Variants in PTPRA observed in about 807,000 individuals in gnomAD.
PTPRA encodes receptor-type tyrosine-protein phosphatase alpha.
Under a neutral mutation model 104.8 loss-of-function variants are expected in PTPRA, and 25 were observed. That is an observed-to-expected ratio of 0.24 (90% confidence interval 0.17 to 0.33). The LOEUF (loss-of-function observed/expected upper bound fraction) is 0.33, where lower values mean the gene tolerates loss of function less well. Ranked by LOEUF, PTPRA falls within the 10% of genes least tolerant of loss-of-function variation. The pLI is 1.00. For missense variants in PTPRA, 765 were observed against 1,015.3 expected (o/e 0.75, Z 3.35); for synonymous variants, 323 against 368.9 (o/e 0.88, Z 1.43).
At chr20:2,984,498 A>AAG (rs2062819547) in intron 6 of PTPRA, among the ~76,000 whole-genome samples, 1 of 150,952 alleles carries the variant, frequency 6.6e-6, no homozygotes, top group Non-Finnish European at 1.5e-5. Context: ...TCCTTGAAAA[A>AAG]CTCTGCTCTT....
Position 3,022,259 on chromosome 20 carries a change from T to C in PTPRA, c.1328+39T>C, listed in dbSNP as rs372833880. 150 of 1,601,416 alleles carry C rather than the reference T, an allele frequency of 9.4e-5. No homozygotes were observed. The highest frequency in any genetic ancestry group is 1.2e-4 in the Non-Finnish European group (143 of 1,171,514). On this transcript the variant is annotated intron_variant, in intron 15 of 23. Coordinates refer to ENST00000399903, the MANE Select transcript of PTPRA (RefSeq NM_001385305.1). This position sits in a 1 kb window ranked among gnomAD's most constrained non-coding sequence, Gnocchi z 4.6. ...GACCCTTGTACCCCCACCCCCACAT[T>C]TCGCCCCCATGGCCAGAGCAGGGGA...
chr20:2,890,407 T>C (rs2146960684), intron 1 of PTPRA, among the ~76,000 whole-genome samples: 1 of 152,312 alleles, frequency 6.6e-6, no homozygotes, highest in Middle Eastern at 3.4e-3. Flanking sequence ...ACCTAGTAAA[T>C]GGGTTCAGCT....
At chr20:2,970,259 A>G (rs1333588391) in intron 5 of PTPRA, among the ~76,000 whole-genome samples, 1 of 152,200 alleles carries the variant, frequency 6.6e-6, no homozygotes, top group Non-Finnish European at 1.5e-5. Flanking sequence ...AGCAGGATGA[A>G]TTATTTTAAG....
intron 11 of PTPRA, among the ~76,000 whole-genome samples, chr20:3,009,627 T>G (rs1568694458): frequency 1.3e-5 from 2 of 152,148 alleles, no homozygotes; most frequent in East Asian, 3.8e-4. Context: ...TTTGTAGTTT[T>G]AAGGAAAGGG....
intron 6 of PTPRA, among the ~76,000 whole-genome samples, chr20:2,983,258 GGAT>G (rs2062761670): frequency 6.6e-6 from 1 of 152,082 alleles, no homozygotes; most frequent in Non-Finnish European, 1.5e-5. Flanking sequence ...AAAGGCCTGA[GGAT>G]GAATGAATGA....
intron 3 of PTPRA, 50 bp from the exon 4 acceptor site, chr20:2,964,222 A>G (rs780387132): frequency 1.4e-6 from 2 of 1,422,394 alleles, no homozygotes; most frequent in South Asian, 1.2e-5. Flanking sequence ...CAGCTCAGAC[A>G]TAGTCCTGAT....
At chr20:2,871,603 C>T (rs1274303249), upstream of PTPRA, among the ~76,000 whole-genome samples, 1 of 152,168 alleles carries the variant, frequency 6.6e-6, no homozygotes, top group East Asian at 1.9e-4. Context: ...GGGTTTGGTT[C>T]TAGAGCATAG....
At chr20:2,964,839 C>G in intron 4 of PTPRA, 22 bp from the exon 5 acceptor site, 1 of 1,571,206 alleles carries the variant, frequency 6.4e-7, no homozygotes, top group African/African-American at 1.4e-5. Flanking sequence ...TGTGCTATTT[C>G]CTTGTTTTTT....
intron 17 of PTPRA, among the ~76,000 whole-genome samples, chr20:3,025,848 G>C (rs1015924823): frequency 1.4e-5 from 2 of 141,938 alleles, no homozygotes; most frequent in Non-Finnish European, 1.5e-5. Context: ...CAGCCTGGGT[G>C]ACAGAGCAAG....
chr20:2,892,807 G>A (rs187612824), intron 1 of PTPRA, among the ~76,000 whole-genome samples: 224 of 152,308 alleles, frequency 1.5e-3, no homozygotes, highest in South Asian at 6.8e-3. Flanking sequence ...GAGTTTAGTG[G>A]CAGCAGAACT....
At chr20:3,033,542 T>C (rs1243619308) in intron 20 of PTPRA, among the ~76,000 whole-genome samples, 1 of 152,010 alleles carries the variant, frequency 6.6e-6, no homozygotes, top group Non-Finnish European at 1.5e-5. Flanking sequence ...AACCCACTTT[T>C]AGTTTTTCAA....
intron 3 of PTPRA, among the ~76,000 whole-genome samples, chr20:2,960,100 T>C (rs1007495509): frequency 3.3e-5 from 5 of 152,214 alleles, no homozygotes; most frequent in Non-Finnish European, 7.3e-5. Context: ...TCACCCAAGC[T>C]TTGGTGTTGT....
At chr20:3,020,622 T>C (rs1192362266) in intron 13 of PTPRA, among the ~76,000 whole-genome samples, 13 of 152,216 alleles carry the variant, frequency 8.5e-5, no homozygotes, top group Non-Finnish European at 1.9e-4. Context: ...CCTAACCAGC[T>C]CTATCACTGG....
At chr20:2,999,702 CA>C (rs2063548192) in intron 9 of PTPRA, among the ~76,000 whole-genome samples, 3 of 152,128 alleles carry the variant, frequency 2.0e-5, no homozygotes, top group Non-Finnish European at 4.4e-5. Flanking sequence ...ACACAAAAAC[CA>C]ATTCCAGTTG....
chr20:3,009,259 TG>T (rs2064038652), intron 11 of PTPRA, among the ~76,000 whole-genome samples: 2 of 144,112 alleles, frequency 1.4e-5, no homozygotes, highest in Non-Finnish European at 3.0e-5. Context: ...TTGATGGGGG[TG>T]GGGGGTGCTG....
At chr20:2,884,000 C>G (rs1440758388) in intron 1 of PTPRA, among the ~76,000 whole-genome samples, 1 of 152,100 alleles carries the variant, frequency 6.6e-6, no homozygotes, top group Non-Finnish European at 1.5e-5. Flanking sequence ...AATATGTGAC[C>G]TTTTGTAGCT....
At chr20:3,012,842 T>TAA (rs1371123819) in intron 11 of PTPRA, among the ~76,000 whole-genome samples, 9 of 152,348 alleles carry the variant, frequency 5.9e-5, no homozygotes, top group Non-Finnish European at 1.3e-4. Context: ...TTCACCCATT[T>TAA]TAAGTGAGAA....
At chr20:2,930,292 T>A (rs1249403984) in intron 2 of PTPRA, among the ~76,000 whole-genome samples, 1 of 152,128 alleles carries the variant, frequency 6.6e-6, no homozygotes, top group Non-Finnish European at 1.5e-5. Flanking sequence ...CACTAACATA[T>A]GGTATGATTT....
At chr20:2,889,918 A>AGGTT (rs1439636682) in intron 1 of PTPRA, among the ~76,000 whole-genome samples, 3 of 151,982 alleles carry the variant, frequency 2.0e-5, no homozygotes, top group African/African-American at 7.3e-5. Flanking sequence ...GGATCTTGGT[A>AGGTT]GGTTGCCCAT....
Sources: allele counts gnomAD v4.1 joint callset (sites outside exome capture counted in the v4.1 genomes callset), GRCh38; gene constraint gnomAD v4.1.1; non-coding constraint Gnocchi (gnomAD v3.1); transcripts MANE v1.5; gene names NCBI Gene and HGNC (gene_info 2026-07-23, HGNC 2026-07-21).